Variants in HBP1 observed in about 807,000 individuals in gnomAD.
HBP1 encodes HMG box-containing protein 1.
A neutral mutation model predicts 62.6 loss-of-function variants in HBP1; 20 were observed. The ratio of observed to expected loss-of-function variants is 0.32; its 90% CI spans 0.22 to 0.46. The LOEUF (loss-of-function observed/expected upper bound fraction) is 0.46, where lower values mean the gene tolerates loss of function less well. Among genes scored for constraint, HBP1 ranks in the 20% least tolerant of loss-of-function variants. The pLI, the probability that HBP1 is intolerant of heterozygous loss-of-function variation, is 1.00. For missense variants in HBP1, 480 were observed against 611.8 expected (o/e 0.78, Z 2.27); for synonymous variants, 232 against 206.2 (o/e 1.12, Z -1.07).
intron 2 of HBP1, 50 bp from the exon 3 acceptor site, chr7:107,182,323 C>A: frequency 3.1e-6 from 3 of 978,906 alleles, no homozygotes; most frequent in Non-Finnish European, 4.9e-6. Context: ...TAATATTGTT[C>A]CTTGTATTAG....
intron 9 of HBP1, among the ~76,000 whole-genome samples, chr7:107,198,096 G>C (rs185301433): frequency 7.2e-5 from 11 of 152,252 alleles, no homozygotes; most frequent in African/African-American, 2.2e-4. Context: ...CAATTCTGGG[G>C]AACTGGACTA....
chr7:107,189,926 CTGAT>C (rs1359132660), intron 7 of HBP1: 2 of 334,054 alleles, frequency 6.0e-6, no homozygotes, highest in Non-Finnish European at 1.1e-5. Context: ...GATGGAAGTG[CTGAT>C]TGATAGAGGA....
intron 6 of HBP1, among the ~76,000 whole-genome samples, chr7:107,187,029 G>A (rs1797412537): frequency 6.6e-6 from 1 of 152,110 alleles, no homozygotes; most frequent in Non-Finnish European, 1.5e-5. Context: ...GAGGCGGGTG[G>A]ATCACGAGGT....
intron 1 of HBP1, among the ~76,000 whole-genome samples, chr7:107,178,134 T>A (rs1796947987): frequency 6.6e-6 from 1 of 152,210 alleles, no homozygotes; most frequent in Non-Finnish European, 1.5e-5. Context: ...AATATGTTGT[T>A]GCAAAAGTCA....
Position 107,182,412 on chromosome 7 carries a change from C to T in HBP1, c.209C>T (p.Thr70Ile), listed in dbSNP as rs1418965251. 3 of 1,613,274 alleles carry T rather than the reference C, an allele frequency of 1.9e-6. No individual in the cohort carries two copies. The highest frequency in any genetic ancestry group is 1.1e-5 in the South Asian group (1 of 91,060). The change falls in exon 3 of 11, where the codon ACC becomes ATC. Residue 70 changes from threonine to isoleucine, a missense_variant. This residue lies in a region of HBP1 where 304 missense variants were observed against 330.9 expected (regional missense o/e 0.92). Transcript: ENST00000222574. ...CTTCAGGCAGTTCAAAGTGATCCTA[C>T]CCAATCTGGCATGTACCAGCTGAGT... ...PELQAVQSDP[T>I]QSGMYQLSSD...
chr7:107,177,930 C>T (rs1490184110), intron 1 of HBP1, among the ~76,000 whole-genome samples: 1 of 151,766 alleles, frequency 6.6e-6, no homozygotes, highest in Non-Finnish European at 1.5e-5. Flanking sequence ...CCAAAAAGAT[C>T]ATGAAAAAGT....
At position 107,201,496 on chromosome 7, in the gene HBP1, A is replaced by ATG; in HGVS notation, c.*65_*66insTG. 4 of 1,013,614 alleles carry ATG rather than the reference A, an allele frequency of 3.9e-6. No individual in the cohort carries two copies. The highest frequency in any genetic ancestry group is 6.2e-6 in the Non-Finnish European group (4 of 644,468). 62.8% of individuals were successfully genotyped at this position (1,013,614 alleles called of 1,614,324 possible). ...CATTGACTCTTGATGGAAAGACTTA[A>ATG]GAAGATCAAGGTCTCACCATTTGTC... On this transcript the variant is annotated 3_prime_UTR_variant, in exon 11 of 11. Transcript: ENST00000222574.
intron 1 of HBP1, among the ~76,000 whole-genome samples, chr7:107,171,087 T>TTTTA (rs1796568117): frequency 7.5e-6 from 1 of 133,806 alleles, no homozygotes; most frequent in Admixed American, 7.4e-5. Flanking sequence ...TTTTTTTTTT[T>TTTTA]TGAGAGGGAG....
intron 6 of HBP1, among the ~76,000 whole-genome samples, chr7:107,187,745 G>A (rs1187643935): frequency 1.3e-5 from 2 of 152,144 alleles, no homozygotes; most frequent in Non-Finnish European, 1.5e-5. Context: ...GAGAGACGTC[G>A]TTTGTTCTGT....
intron 5 of HBP1, 23 bp from the exon 6 acceptor site, chr7:107,186,546 C>T (rs749489367): frequency 7.0e-6 from 11 of 1,562,922 alleles, no homozygotes; most frequent in East Asian, 4.5e-5. Context: ...GTGTCTAATA[C>T]GTGTTTTCTA....
intron 3 of HBP1, among the ~76,000 whole-genome samples, chr7:107,184,828 TAAAG>T (rs1298449927): frequency 6.6e-6 from 1 of 152,198 alleles, no homozygotes; most frequent in East Asian, 1.9e-4. Flanking sequence ...CTCTCCTTTT[TAAAG>T]AGTATTAGTA....
In HBP1 at chr7:107,196,112, G is replaced by A; in HGVS notation, c.1346G>A (p.Arg449Lys). Reference protein sequence around the residue: ...NAFMLFAKKYRVEYTQMYPGK... With the variant: ...NAFMLFAKKYKVEYTQMYPGK... ...TTCATGCTTTTTGCCAAAAAATACAGAGTTGAATATACTCAGATGTATCCA... is the reference window on the plus strand; with the variant it reads ...TTCATGCTTTTTGCCAAAAAATACAAAGTTGAATATACTCAGATGTATCCA... The change falls in exon 9 of 11, where the codon AGA becomes AAA. Residue 449 changes from arginine (R) to lysine (K), a missense_variant. Physicochemically the swap from Arg to Lys is conservative, Grantham distance 26. Coordinates refer to ENST00000222574, the MANE Select transcript of HBP1 (RefSeq NM_012257.4). 6.2e-7 allele frequency: 1 copy of A among 1,610,536 alleles called. No individual in the cohort carries two copies. Among genetic ancestry groups the A allele is most frequent in the Non-Finnish European group, 8.5e-7 (1 of 1,176,800 alleles).
chr7:107,171,502 T>G lies in HBP1; in HGVS notation c.-16+2317T>G, dbSNP rs78217584. On this transcript the variant is annotated intron_variant, in intron 1 of 10. Transcript: ENST00000222574. ...TTCTTCAGGGTGAATTGCAAGCTGG[T>G]GTTTTGTATATGTGTTTGAAATAAA... Among the ~76,000 whole-genome samples the G allele has an allele frequency of 4.3e-3, 655 of 152,142 alleles. 6 individuals are homozygous for G. Among genetic ancestry groups the G allele is most frequent in the African/African-American group, 0.015 (640 of 41,476 alleles).
At position 107,200,332 on chromosome 7, in the gene HBP1, T is replaced by C. The variant is rs767860624; in HGVS notation, c.1527+31T>C. The stretch of plus-strand genomic sequence containing the variant: ...TTTCAATAAATAGTGTTTAAAATTA[T>C]CTTGCCTTATCCGTGCAGGTGTACT... On this transcript the variant is annotated intron_variant, in intron 10 of 10. Coordinates refer to ENST00000222574, the MANE Select transcript of HBP1 (RefSeq NM_012257.4). 3.0e-5 allele frequency: 47 copies of C among 1,591,838 alleles called. No individual in the cohort carries two copies. In the South Asian group the frequency reaches 5.1e-4, roughly 17 times the overall value.
intron 1 of HBP1, chr7:107,170,039 G>A: frequency 1.0e-6 from 1 of 985,386 alleles, no homozygotes; most frequent in Non-Finnish European, 1.2e-6. Context: ...GCTGTCTAGG[G>A]TGTTTCACTC....
At position 107,201,347 on chromosome 7, in the gene HBP1, C is replaced by G. The variant is rs975003649; in HGVS notation, c.1528-67C>G. 7.7e-6 allele frequency: 7 copies of G among 908,008 alleles called. No homozygotes were observed. The South Asian group carries it at 9.2e-5, about 12-fold the overall frequency. 56.2% of individuals were successfully genotyped at this position (908,008 alleles called of 1,614,324 possible). ...TTTATAAACATCTTATACATCTTAG[C>G]TTTCATATATAGGATTACTATGTAT... On this transcript the variant is annotated intron_variant, in intron 10 of 10. Transcript: ENST00000222574.
At chr7:107,182,632 C>T (rs1303408072) in intron 3 of HBP1, 31 bp downstream of exon 3, 4 of 1,142,400 alleles carry the variant, frequency 3.5e-6, no homozygotes, top group Non-Finnish European at 5.2e-6. Flanking sequence ...TTTATTGAAA[C>T]ATTCTATCAT....
Position 107,169,003 on chromosome 7 carries a change from A to G in HBP1, c.-198A>G. On this transcript the variant is annotated 5_prime_UTR_variant, in exon 1 of 11. Transcript: ENST00000222574. ...GGGGAGGGGGAAGACGAAGCTTGAA[A>G]GACTTGGTAATGGCGACGGGTTTGG... is the stretch of plus-strand genomic sequence containing the variant. 1 of 1,288,914 alleles carries G rather than the reference A, an allele frequency of 7.8e-7. No individual in the cohort carries two copies. The highest frequency in any genetic ancestry group is 1.0e-6 in the Non-Finnish European group (1 of 988,448). 79.8% of individuals were successfully genotyped at this position (1,288,914 alleles called of 1,614,324 possible). A position where few individuals can be genotyped will look rare whatever the true frequency, so the allele number is the denominator to read the frequency against.
At chr7:107,188,815 A>C (rs919765040) in intron 6 of HBP1, among the ~76,000 whole-genome samples, 1 of 152,288 alleles carries the variant, frequency 6.6e-6, no homozygotes, top group East Asian at 1.9e-4. Flanking sequence ...AATACCTTCT[A>C]AGCAAAAATT....
Sources: gnomAD v4.1 joint callset for allele counts (sites outside exome capture counted in the v4.1 genomes callset) on GRCh38, gnomAD v4.1.1 for gene constraint, gnomAD v4.1.1 regional missense constraint, MANE v1.5 for transcripts, NCBI Gene and HGNC (gene_info 2026-07-23, HGNC 2026-07-21) for gene names.